RANBP2: variants seen among roughly 807,000 people sequenced by gnomAD.
The protein encoded by RANBP2 is E3 SUMO-protein ligase RanBP2.
Under a neutral mutation model 303.6 loss-of-function variants are expected in RANBP2, and 57 were observed. That is an observed-to-expected ratio of 0.19 (90% confidence interval 0.15 to 0.23). The LOEUF is 0.23. RANBP2 is among the 10% of genes least tolerant of loss of function. The pLI, the probability that RANBP2 is intolerant of heterozygous loss-of-function variation, is 1.00. For missense variants in RANBP2, 3,138 were observed against 3,780.8 expected (o/e 0.83, Z 4.46); for synonymous variants, 1,167 against 1,301.5 (o/e 0.90, Z 2.23).
chr2:108,857,066 CTTTTTTTTTTTTT>C, the RANBP2 span: 122 of 44,086 alleles, frequency 2.8e-3, 2 homozygotes, highest in Middle Eastern at 0.013. Context: ...GATACTATTG[CTTTTTTTTTTTTT>C]TTTTTTTTTT....
chr2:108,881,523 A>G, the RANBP2 span, among the ~76,000 whole-genome samples: 1 of 152,154 alleles, frequency 6.6e-6, no homozygotes, highest in South Asian at 2.1e-4. Flanking sequence ...CTTTGCTTTC[A>G]CAACTTCGTA....
At chr2:109,464,696 G>T in the RANBP2 span, among the ~76,000 whole-genome samples, 1 of 152,250 alleles carries the variant, frequency 6.6e-6, no homozygotes, top group South Asian at 2.1e-4. Flanking sequence ...GAAAAACTGA[G>T]CAGAAAATGC....
At chr2:109,333,271 G>A in the RANBP2 span, among the ~76,000 whole-genome samples, 100 of 152,292 alleles carry the variant, frequency 6.6e-4, no homozygotes, top group Middle Eastern at 3.4e-3. Flanking sequence ...GATTAGTTTC[G>A]CCTTTTAAAA....
At chr2:109,142,912 G>A in the RANBP2 span, among the ~76,000 whole-genome samples, 6 of 152,302 alleles carry the variant, frequency 3.9e-5, no homozygotes, top group East Asian at 1.2e-3. Context: ...GGCTTTCAAG[G>A]TGACAATTGT....
At chr2:109,711,584 CCTT>C in the RANBP2 span, among the ~76,000 whole-genome samples, 1 of 152,242 alleles carries the variant, frequency 6.6e-6, no homozygotes, top group Non-Finnish European at 1.5e-5. Context: ...TGTGCCCCCT[CCTT>C]CTACGCTTTG....
the RANBP2 span, chr2:108,885,003 T>C: frequency 6.6e-6 from 1 of 152,228 alleles, no homozygotes; most frequent in Non-Finnish European, 1.5e-5. Context: ...AAGGAGCTAA[T>C]TGGAATATTG....
At chr2:109,162,398 AATTT>A in the RANBP2 span, among the ~76,000 whole-genome samples, 2 of 151,924 alleles carry the variant, frequency 1.3e-5, no homozygotes, top group Admixed American at 6.6e-5. Context: ...ACCTTTTTTA[AATTT>A]ATTTATTTAT....
chr2:108,739,800 G>A (rs1052600191), intron 6 of RANBP2, among the ~76,000 whole-genome samples: 21 of 152,108 alleles, frequency 1.4e-4, no homozygotes, highest in South Asian at 4.1e-4. Context: ...CCTGGCCAAC[G>A]TAGTGAAACC....
chr2:109,553,027 C>T, the RANBP2 span: 9 of 1,569,274 alleles, frequency 5.7e-6, no homozygotes, highest in African/African-American at 6.8e-5. Context: ...GGAATAAATC[C>T]TCCAAATTAA....
chr2:109,386,825 C>A, the RANBP2 span, among the ~76,000 whole-genome samples: 16 of 152,186 alleles, frequency 1.1e-4, no homozygotes, highest in Non-Finnish European at 2.2e-4. Context: ...TGCATTCTCA[C>A]AAAACCAAAG....
At chr2:109,457,859 C>G in the RANBP2 span, among the ~76,000 whole-genome samples, 2 of 152,162 alleles carry the variant, frequency 1.3e-5, no homozygotes, top group Non-Finnish European at 2.9e-5. Context: ...ACACATCAGA[C>G]CCAGCCGTCT....
At chr2:109,520,951 C>T in the RANBP2 span, among the ~76,000 whole-genome samples, 18 of 150,936 alleles carry the variant, frequency 1.2e-4, no homozygotes, top group East Asian at 3.9e-4. Context: ...AAAAAAAGGC[C>T]GGGCGCGGTG....
At chr2:109,052,883 A>C in the RANBP2 span, among the ~76,000 whole-genome samples, 1 of 152,238 alleles carries the variant, frequency 6.6e-6, no homozygotes, top group Non-Finnish European at 1.5e-5. Flanking sequence ...CTATTACTAG[A>C]GGAAACTCTC....
At chr2:109,619,314 A>G in the RANBP2 span, among the ~76,000 whole-genome samples, 1 of 152,214 alleles carries the variant, frequency 6.6e-6, no homozygotes, top group African/African-American at 2.4e-5. Flanking sequence ...CTTGGAGAGA[A>G]GGTAATACCT....
At chr2:109,306,604 C>T in the RANBP2 span, among the ~76,000 whole-genome samples, 8 of 152,162 alleles carry the variant, frequency 5.3e-5, no homozygotes, top group East Asian at 5.8e-4. Flanking sequence ...ATGCCATGGC[C>T]GCAACCCACT....
chr2:109,174,798 A>T, the RANBP2 span, among the ~76,000 whole-genome samples: 1 of 152,210 alleles, frequency 6.6e-6, no homozygotes, highest in African/African-American at 2.4e-5. Flanking sequence ...TGGCAGACCC[A>T]TGAGGGCAGG....
chr2:109,078,123 G>GTATATATA, the RANBP2 span, among the ~76,000 whole-genome samples: 415 of 45,300 alleles, frequency 9.2e-3, 12 homozygotes, highest in East Asian at 0.023. Flanking sequence ...TATATAGCGT[G>GTATATATA]TATATATATA....
Position 108,751,598 on chromosome 2 carries a change from C to G in RANBP2, c.1526C>G (p.Ser509Cys), listed in dbSNP as rs765645782. The G allele has an allele frequency of 3.7e-6, 6 of 1,610,846 alleles. No individual in the cohort carries two copies. The South Asian group carries it at 4.4e-5, about 12-fold the overall frequency. Reference sequence around the variant, plus strand: ...GAGAAATGTAATTCTCACCACAGCTCCTATCAGCCGTTATGCCTGCCCCTT... The same window carrying G: ...GAGAAATGTAATTCTCACCACAGCTGCTATCAGCCGTTATGCCTGCCCCTT... ...LKEKCNSHHS[S>C]YQPLCLPLPV... is the part of the protein sequence containing the mutation. Residue 509 changes from serine (S) to cysteine (C), a missense_variant, in exon 11 of 29, where the codon TCC (serine) becomes TGC (cysteine). Coordinates refer to ENST00000283195, the MANE Select transcript of RANBP2 (RefSeq NM_006267.5).
chr2:108,998,416 C>A, the RANBP2 span, among the ~76,000 whole-genome samples: 6 of 152,146 alleles, frequency 3.9e-5, no homozygotes, highest in African/African-American at 1.4e-4. Flanking sequence ...TTCTTGTATT[C>A]GTGGAGTGGA....
Sources: allele counts gnomAD v4.1 joint callset (sites outside exome capture counted in the v4.1 genomes callset), GRCh38; gene constraint gnomAD v4.1.1; transcripts MANE v1.5; gene names NCBI Gene and HGNC (gene_info 2026-07-23, HGNC 2026-07-21).